PTPN4: variants seen among roughly 807,000 people sequenced by gnomAD.
PTPN4 encodes the protein protein tyrosine phosphatase non-receptor type 4.
PTPN4 carries 49 observed loss-of-function variants against 135.5 expected under a neutral mutation model. The observed-to-expected ratio is 0.36, with a 90% CI of 0.29 to 0.46. PTPN4 has a LOEUF of 0.46. Ranked by LOEUF, PTPN4 falls within the 20% of genes least tolerant of loss-of-function variation. The pLI, the probability that PTPN4 is intolerant of heterozygous loss-of-function variation, is 1.00. For synonymous variants in PTPN4, 333 were observed against 369.9 expected, an observed-to-expected ratio of 0.90 and a Z score of 1.14; for missense variants, 860 against 1,101.0, an observed-to-expected ratio of 0.78 and a Z score of 3.10.
intron 13 of PTPN4, among the ~76,000 whole-genome samples, chr2:119,931,796 AAT>A (rs1678910958): frequency 6.6e-6 from 1 of 152,066 alleles, no homozygotes; most frequent in Non-Finnish European, 1.5e-5. Flanking sequence ...GATAGCTGAT[AAT>A]ATATAGATTG....
chr2:119,897,595 A>T (rs1164427938), intron 9 of PTPN4, among the ~76,000 whole-genome samples: 3 of 152,224 alleles, frequency 2.0e-5, no homozygotes, highest in Non-Finnish European at 4.4e-5. Context: ...TAATTACCAT[A>T]TCAGTTATTA....
chr2:119,926,983 CTTAT>C (rs1251121117), intron 13 of PTPN4, among the ~76,000 whole-genome samples: 6 of 151,688 alleles, frequency 4.0e-5, no homozygotes, highest in African/African-American at 1.5e-4. Context: ...AATATAGTGA[CTTAT>C]TTCATGTTAT....
At chr2:119,834,340 C>G (rs1414953645) in intron 2 of PTPN4, among the ~76,000 whole-genome samples, 1 of 152,178 alleles carries the variant, frequency 6.6e-6, no homozygotes, top group Non-Finnish European at 1.5e-5. Context: ...TTTAAGAAAC[C>G]TGTCCATGAC....
At chr2:119,961,882 A>G (rs949090900) in intron 23 of PTPN4, among the ~76,000 whole-genome samples, 1 of 152,158 alleles carries the variant, frequency 6.6e-6, no homozygotes, top group African/African-American at 2.4e-5. Flanking sequence ...ATCTGGGGTA[A>G]GGATGGGGGA....
chr2:119,893,156 A>G (rs1055939177), intron 9 of PTPN4, among the ~76,000 whole-genome samples: 1 of 152,212 alleles, frequency 6.6e-6, no homozygotes, highest in Admixed American at 6.5e-5. Context: ...AGAGTATACT[A>G]TAAGATACTA....
At chr2:119,783,443 G>A (rs773939347) in intron 1 of PTPN4, among the ~76,000 whole-genome samples, 34 of 152,238 alleles carry the variant, frequency 2.2e-4, no homozygotes, top group Admixed American at 4.6e-4. Flanking sequence ...TGGAGATTGC[G>A]GAAATAATAT....
chr2:119,913,498 A>G (rs1018422349), intron 10 of PTPN4, among the ~76,000 whole-genome samples: 7 of 152,168 alleles, frequency 4.6e-5, no homozygotes, highest in Admixed American at 3.9e-4. Context: ...GATTTTTAAA[A>G]ATCAATCTGA....
rs756013539 is a variant in PTPN4 at position 119,965,494 on chromosome 2, T to C, written c.2410-3T>C. ...AGGTGCATAATTTTTCATTTGTTCTTAGAAAAATGAAAGTCGTCCACTCAC... is the reference window on the plus strand; with the variant it reads ...AGGTGCATAATTTTTCATTTGTTCTCAGAAAAATGAAAGTCGTCCACTCAC... On this transcript the variant is annotated splice_region_variant and splice_polypyrimidine_tract_variant and intron_variant, in intron 24 of 26. Transcript: ENST00000263708. The C allele has an allele frequency of 2.5e-6, 4 of 1,599,356 alleles. No individual in the cohort carries two copies. The highest frequency in any genetic ancestry group is 3.4e-4 in the Middle Eastern group (2 of 5,970).
chr2:119,915,348 C>A, intron 11 of PTPN4, 106 bp downstream of exon 11: 1 of 823,892 alleles, frequency 1.2e-6, no homozygotes, highest in Non-Finnish European at 1.8e-6. Flanking sequence ...GCAATTAATA[C>A]TGTGGATAAC....
At chr2:119,849,718 C>A (rs1194843177) in intron 2 of PTPN4, among the ~76,000 whole-genome samples, 2 of 152,182 alleles carry the variant, frequency 1.3e-5, no homozygotes, top group Non-Finnish European at 2.9e-5. Flanking sequence ...ACTATTTTAG[C>A]CTCTGATATC....
chr2:119,882,251 A>G, intron 7 of PTPN4, 102 bp downstream of exon 7: 1 of 1,222,938 alleles, frequency 8.2e-7, no homozygotes, highest in Non-Finnish European at 1.2e-6. Context: ...GTTGCTATAT[A>G]GAAAATAGTG....
chr2:119,954,014 T>C lies in PTPN4; in HGVS notation c.1814-1143T>C, dbSNP rs889097979. Among the ~76,000 whole-genome samples the C allele has an allele frequency of 4.6e-5, 7 of 152,226 alleles. 1 individual carries two copies. The highest frequency in any genetic ancestry group is 1.4e-4 in the African/African-American group (6 of 41,456). ...GCAGAACCTGCATCTGTTTTCAGTG[T>C]GGGTCTGTCTTTTCCATTCTTAAAG... On this transcript the variant is annotated intron_variant, in intron 19 of 26. Transcript: ENST00000263708.
chr2:119,871,102 C>T (rs1307415921), intron 3 of PTPN4, among the ~76,000 whole-genome samples: 4 of 149,616 alleles, frequency 2.7e-5, no homozygotes, highest in East Asian at 2.0e-4. Flanking sequence ...TAATAACAAA[C>T]GTGACAAGAT....
chr2:119,795,401 G>A (rs952208100), intron 1 of PTPN4, among the ~76,000 whole-genome samples: 2 of 152,240 alleles, frequency 1.3e-5, no homozygotes, highest in African/African-American at 4.8e-5. Flanking sequence ...GCGCCTGCAG[G>A]CCAGTGCTAA....
chr2:119,766,443 T>TGCGCGCGCGCGC (rs145798313), intron 1 of PTPN4, among the ~76,000 whole-genome samples: 11 of 109,840 alleles, frequency 1.0e-4, no homozygotes, highest in East Asian at 3.7e-4. Flanking sequence ...TATGCGCATG[T>TGCGCGCGCGCGC]GCGCGCGTGT....
chr2:119,846,715 T>C (rs1230142914), intron 2 of PTPN4, among the ~76,000 whole-genome samples: 3 of 152,074 alleles, frequency 2.0e-5, no homozygotes, highest in East Asian at 3.8e-4. Context: ...ATTCAGTGCA[T>C]ATTTTCTTGT....
intron 1 of PTPN4, among the ~76,000 whole-genome samples, chr2:119,790,102 T>A (rs868352679): frequency 1.7e-4 from 26 of 152,294 alleles, no homozygotes; most frequent in Middle Eastern, 3.4e-3. Flanking sequence ...CCTTTTAAAT[T>A]TACTGATGAT....
rs538812859 is a variant in PTPN4 at position 119,803,911 on chromosome 2, T to C, written c.-17-5926T>C. Among the ~76,000 whole-genome samples the C allele has an allele frequency of 4.6e-5, 7 of 152,276 alleles. No homozygotes were observed. In the South Asian group the frequency reaches 6.2e-4, roughly 14 times the overall value. ...TTATGTAATGCCTAATCTGTTCTTA[T>C]GAATTTTATTTGTTCCCAAGTCTAC... On this transcript the variant is annotated intron_variant, in intron 1 of 26. Coordinates refer to ENST00000263708, the MANE Select transcript of PTPN4 (RefSeq NM_002830.4).
intron 15 of PTPN4, among the ~76,000 whole-genome samples, chr2:119,942,347 A>G (rs1679072153): frequency 6.6e-6 from 1 of 152,152 alleles, no homozygotes; most frequent in Non-Finnish European, 1.5e-5. Flanking sequence ...CGATAGGCCC[A>G]TACAGGTTTG....
Sources: gnomAD v4.1 joint callset for allele counts (sites outside exome capture counted in the v4.1 genomes callset) on GRCh38, gnomAD v4.1.1 for gene constraint, MANE v1.5 for transcripts, NCBI Gene and HGNC (gene_info 2026-07-23, HGNC 2026-07-21) for gene names.